PLEKHM3: variants seen among roughly 807,000 people sequenced by gnomAD.
PLEKHM3 encodes the protein pleckstrin homology domain-containing family M member 3.
A neutral mutation model predicts 81.8 loss-of-function variants in PLEKHM3; 45 were observed. The ratio of observed to expected loss-of-function variants is 0.55; its 90% CI spans 0.43 to 0.71. The LOEUF is 0.71. Ranked by LOEUF, PLEKHM3 falls within the 30% of genes least tolerant of loss-of-function variation. The pLI is 0.00. For synonymous variants in PLEKHM3, 352 were observed against 356.4 expected, an observed-to-expected ratio of 0.99 and a Z score of 0.14; for missense variants, 788 against 924.3, an observed-to-expected ratio of 0.85 and a Z score of 1.91.
chr2:207,987,269 C>T (rs1691759652), intron 2 of PLEKHM3, among the ~76,000 whole-genome samples: 1 of 152,108 alleles, frequency 6.6e-6, no homozygotes, highest in Admixed American at 6.6e-5. Context: ...CACCTACCAG[C>T]CCTACTCCCT....
intron 7 of PLEKHM3, among the ~76,000 whole-genome samples, chr2:207,858,814 C>T (rs1458408400): frequency 6.6e-6 from 1 of 152,048 alleles, no homozygotes; most frequent in Non-Finnish European, 1.5e-5. Context: ...AATTCACGTA[C>T]CATAAAACTC....
chr2:208,009,678 C>T (rs1395686780), intron 1 of PLEKHM3, among the ~76,000 whole-genome samples: 1 of 152,170 alleles, frequency 6.6e-6, no homozygotes, highest in Non-Finnish European at 1.5e-5. Flanking sequence ...CAATTCTGCC[C>T]TCTTCCATTT....
At chr2:207,936,254 G>C (rs1485455453) in intron 4 of PLEKHM3, among the ~76,000 whole-genome samples, 1 of 152,132 alleles carries the variant, frequency 6.6e-6, no homozygotes, top group Non-Finnish European at 1.5e-5. Context: ...TTATAGGCAC[G>C]AGCCACTGCG....
chr2:207,834,132 T>C (rs1206370710), intron 7 of PLEKHM3, among the ~76,000 whole-genome samples: 1 of 148,340 alleles, frequency 6.7e-6, no homozygotes, highest in Non-Finnish European at 1.5e-5. Flanking sequence ...TTCTCTTTCT[T>C]TTTTTTTTTT....
intron 6 of PLEKHM3, among the ~76,000 whole-genome samples, chr2:207,901,961 C>T (rs560693273): frequency 1.1e-4 from 17 of 152,168 alleles, no homozygotes; most frequent in Non-Finnish European, 2.2e-4. Context: ...CGAGCTGTCA[C>T]GCTTTGTTTT....
rs55739776 is a variant in PLEKHM3, at chr2:207,860,151, CTGTGTGTGTGTGTG to C, written c.2108+940_2108+953del. Among the ~76,000 whole-genome samples, 432 of 110,760 alleles carry C rather than the reference CTGTGTGTGTGTGTG, an allele frequency of 3.9e-3. 4 individuals carry two copies. The highest frequency in any genetic ancestry group is 0.014 in the African/African-American group (368 of 27,118). The allele number at this position is 110,760 out of a possible 152,430, so 72.7% of individuals were successfully genotyped here. ...GGAAACTGGAGGCTGAACTCTGCCTCTGTGTGTGTGTGTGTGTGTGTGTGTGTGTGTGTGTGTGT... is the reference window on the plus strand; with the variant it reads ...GGAAACTGGAGGCTGAACTCTGCCTCTGTGTGTGTGTGTGTGTGTGTGTGT... On this transcript the variant is annotated intron_variant, in intron 7 of 7. Transcript: ENST00000427836.
In PLEKHM3 at chr2:208,021,144, C is replaced by T. The variant is rs557186388; in HGVS notation, c.-319+4245G>A. On this transcript the variant is annotated intron_variant, in intron 1 of 7. Transcript: ENST00000427836. ...TATCTCATAAATATTCAGTAAATAT[C>T]AGCCTTGGATGTTTTTTAATGAAGA... is the stretch of plus-strand genomic sequence containing the variant. 2.7e-3 allele frequency among the ~76,000 whole-genome samples: 413 copies of T among 152,284 alleles called. 2 individuals carry two copies. Among genetic ancestry groups the T allele is most frequent in the African/African-American group, 9.2e-3 (383 of 41,546 alleles).
At chr2:208,022,689 T>C (rs933671217) in intron 1 of PLEKHM3, among the ~76,000 whole-genome samples, 3 of 152,210 alleles carry the variant, frequency 2.0e-5, no homozygotes, top group African/African-American at 7.2e-5. Context: ...TCCCCTACTT[T>C]AAGTCTCTCC....
chr2:207,951,851 T>C (rs1690338791), intron 3 of PLEKHM3, among the ~76,000 whole-genome samples: 1 of 152,194 alleles, frequency 6.6e-6, no homozygotes, highest in South Asian at 2.1e-4. Flanking sequence ...CCACTTTCTC[T>C]CTACTTTACG....
rs888473362 is a variant in PLEKHM3 at position 207,827,526 on chromosome 2, ACG to A, written c.*791_*792del. On this transcript the variant is annotated 3_prime_UTR_variant, in exon 8 of 8. Coordinates refer to ENST00000427836, the MANE Select transcript of PLEKHM3 (RefSeq NM_001080475.3). ...AAGCCATGTGTACAGCCTGGAAAAC[ACG>A]GTGGAGCGTCACATCATTAGGTGGG... The A allele has an allele frequency of 1.3e-5, 2 of 152,208 alleles. No individual in the cohort carries two copies. The highest frequency in any genetic ancestry group is 4.8e-5 in the African/African-American group (2 of 41,446). 9.4% of individuals were successfully genotyped at this position (152,208 alleles called of 1,614,324 possible).
At chr2:208,004,813 A>G (rs1330138709) in intron 1 of PLEKHM3, among the ~76,000 whole-genome samples, 1 of 152,136 alleles carries the variant, frequency 6.6e-6, no homozygotes, top group Non-Finnish European at 1.5e-5. Context: ...TTTTCATTTT[A>G]AAACAGTTTT....
chr2:207,825,770 A>G lies in PLEKHM3; in HGVS notation c.*2549T>C, dbSNP rs536393372. 6.6e-6 allele frequency: 1 copy of G among 152,326 alleles called. No individual in the cohort carries two copies. Among genetic ancestry groups the G allele is most frequent in the Non-Finnish European group, 1.5e-5 (1 of 68,042 alleles). 9.4% of individuals were successfully genotyped at this position (152,326 alleles called of 1,614,324 possible). A position where few individuals can be genotyped will look rare whatever the true frequency, so the allele number is the denominator to read the frequency against. On this transcript the variant is annotated 3_prime_UTR_variant, in exon 8 of 8. Transcript: ENST00000427836. ...AGGAGAGGAAACAGGAGTGCTGGAC[A>G]TGGACCCAGCTCTGGGTAGCTGATG...
intron 1 of PLEKHM3, among the ~76,000 whole-genome samples, chr2:208,016,310 T>C (rs77190072): frequency 0.012 from 1,869 of 152,098 alleles, 40 homozygotes; most frequent in African/African-American, 0.043. Flanking sequence ...AATAACAAAA[T>C]TGAGCCACAA....
intron 2 of PLEKHM3, among the ~76,000 whole-genome samples, chr2:207,982,589 T>TTTA (rs1553563396): frequency 6.6e-6 from 1 of 150,858 alleles, no homozygotes; most frequent in African/African-American, 2.4e-5. Context: ...TTTTTTTTTT[T>TTTA]TTTTTTGAGA....
chr2:207,914,144 G>A (rs1223107673), intron 5 of PLEKHM3, among the ~76,000 whole-genome samples: 2 of 152,116 alleles, frequency 1.3e-5, no homozygotes, highest in African/African-American at 4.8e-5. Context: ...CTTGAGCTCA[G>A]GAGTTTGGGA....
At chr2:207,930,790 G>C in intron 5 of PLEKHM3, 136 bp downstream of exon 5, 3 of 895,144 alleles carry the variant, frequency 3.4e-6, no homozygotes, top group Non-Finnish European at 5.2e-6. Flanking sequence ...AGAGAGGCTG[G>C]CAGTGGAGAG....
chr2:207,906,681 C>G (rs535474169), intron 6 of PLEKHM3, among the ~76,000 whole-genome samples: 2 of 152,070 alleles, frequency 1.3e-5, no homozygotes, highest in South Asian at 2.1e-4. Context: ...CCCAGCTACA[C>G]GGGAGGCTGA....
intron 3 of PLEKHM3, among the ~76,000 whole-genome samples, chr2:207,956,681 G>T (rs974761640): frequency 1.4e-5 from 2 of 147,808 alleles, no homozygotes; most frequent in African/African-American, 5.0e-5. Context: ...GGGTATCAAA[G>T]GTTACAGGTG....
intron 1 of PLEKHM3, among the ~76,000 whole-genome samples, chr2:208,003,280 T>C (rs552516990): frequency 3.3e-5 from 5 of 152,242 alleles, no homozygotes; most frequent in African/African-American, 4.8e-5. Flanking sequence ...ACACTTTCTT[T>C]TGTAAATTGC....
Sources: gnomAD v4.1 joint callset for allele counts (sites outside exome capture counted in the v4.1 genomes callset) on GRCh38, gnomAD v4.1.1 for gene constraint, MANE v1.5 for transcripts, NCBI Gene and HGNC (gene_info 2026-07-23, HGNC 2026-07-21) for gene names.